The following NEDD4 variants were observed in gnomAD, a reference collection of about 807,000 sequenced individuals.
NEDD4 encodes NEDD4 E3 ubiquitin protein ligase, also known as E3 ubiquitin-protein ligase NEDD4.
NEDD4 carries 99 observed loss-of-function variants against 144.9 expected under a neutral mutation model. That is an observed-to-expected ratio of 0.68 (90% CI 0.58 to 0.81). The LOEUF (loss-of-function observed/expected upper bound fraction) is 0.81. NEDD4 is among the 30% of genes least tolerant of loss of function. NEDD4 has a pLI of 0.00. For missense variants in NEDD4, 985 were observed against 1,065.9 expected (o/e 0.92, Z 1.06); for synonymous variants, 318 against 350.6 (o/e 0.91, Z 1.04).
chr15:55,938,232 G>C (rs895262618), intron 4 of NEDD4, among the ~76,000 whole-genome samples: 11 of 152,098 alleles, frequency 7.2e-5, no homozygotes, highest in Non-Finnish European at 1.5e-4. Context: ...GGTGGCGTGT[G>C]CCTGTAGTCC....
chr15:55,976,682 T>C (rs1011375032), intron 1 of NEDD4, among the ~76,000 whole-genome samples: 7 of 147,084 alleles, frequency 4.8e-5, no homozygotes, highest in African/African-American at 1.8e-4. Flanking sequence ...CAGGCTGGAG[T>C]GCAGTGGTGC....
Position 55,848,443 on chromosome 15 carries a change from A to T in NEDD4, c.1484-13T>A. ...GTTCTTTTTATATCTGAAGGGAAGA[A>T]AAAGAAAAAAGATGTACTTTCTCAC... On this transcript the variant is annotated splice_polypyrimidine_tract_variant and intron_variant, in intron 16 of 28. Coordinates refer to ENST00000435532, the MANE Select transcript of NEDD4 (RefSeq NM_006154.4). The T allele has an allele frequency of 6.2e-7, 1 of 1,614,048 alleles. No homozygotes were observed. The highest frequency in any genetic ancestry group is 8.5e-7 in the Non-Finnish European group (1 of 1,179,910).
chr15:55,854,596 C>T lies in NEDD4; in HGVS notation c.1026+1535G>A, dbSNP rs140118042. Among the ~76,000 whole-genome samples, 500 of 152,242 alleles carry T rather than the reference C, an allele frequency of 3.3e-3. 1 individual carries two copies. The highest frequency in any genetic ancestry group is 4.5e-3 in the Non-Finnish European group (303 of 68,016). On this transcript the variant is annotated intron_variant, in intron 12 of 28. Coordinates refer to ENST00000435532, the MANE Select transcript of NEDD4 (RefSeq NM_006154.4). ...ACTGTAGCAATAGAGAGCAGATGAGCGGTTGCTTGCAACTGAGAGTAGGCA... is the reference window on the plus strand; with the variant it reads ...ACTGTAGCAATAGAGAGCAGATGAGTGGTTGCTTGCAACTGAGAGTAGGCA...
At chr15:55,910,968 G>C (rs1196317402) in intron 5 of NEDD4, among the ~76,000 whole-genome samples, 2 of 152,094 alleles carry the variant, frequency 1.3e-5, no homozygotes, top group African/African-American at 4.8e-5. Flanking sequence ...CCCCTTCTTT[G>C]TCTTCAGCAT....
intron 1 of NEDD4, among the ~76,000 whole-genome samples, chr15:55,982,573 A>G (rs71476762): frequency 0.062 from 9,393 of 152,296 alleles, 379 homozygotes; most frequent in East Asian, 0.16. Flanking sequence ...GGCTGCCTAT[A>G]GAGAGTAGAC....
At chr15:55,903,461 T>C (rs974969856) in intron 5 of NEDD4, among the ~76,000 whole-genome samples, 2 of 152,148 alleles carry the variant, frequency 1.3e-5, no homozygotes, top group Non-Finnish European at 2.9e-5. Flanking sequence ...TCTCAGACAG[T>C]TTCCTAAAAT....
chr15:55,871,750 G>C (rs1379347845), intron 7 of NEDD4, among the ~76,000 whole-genome samples: 1 of 152,052 alleles, frequency 6.6e-6, no homozygotes, highest in Non-Finnish European at 1.5e-5. Flanking sequence ...TATAGTTTAA[G>C]AAACAAGACA....
chr15:55,871,791 C>T (rs1406579567), intron 7 of NEDD4, among the ~76,000 whole-genome samples: 1 of 152,142 alleles, frequency 6.6e-6, no homozygotes, highest in Non-Finnish European at 1.5e-5. Context: ...TGTCCTTTCT[C>T]TGCTTTAGTT....
At chr15:55,976,627 A>ATTTTT (rs1229977936) in intron 1 of NEDD4, among the ~76,000 whole-genome samples, 1 of 120,898 alleles carries the variant, frequency 8.3e-6, no homozygotes, top group African/African-American at 3.1e-5. Flanking sequence ...CTGGGCAAAA[A>ATTTTT]TTTTTTTTTT....
At chr15:55,832,161 A>C (rs1213765878) in intron 27 of NEDD4, among the ~76,000 whole-genome samples, 1 of 146,192 alleles carries the variant, frequency 6.8e-6, no homozygotes, top group Non-Finnish European at 1.5e-5. Flanking sequence ...TAGCCTAATG[A>C]GATTCTCCAC....
chr15:55,993,071 G>A (rs2038013175), intron 1 of NEDD4, among the ~76,000 whole-genome samples: 1 of 152,208 alleles, frequency 6.6e-6, no homozygotes, highest in Non-Finnish European at 1.5e-5. Context: ...ACCGAAGTCC[G>A]TAAAGTTAAG....
chr15:55,861,232 G>A (rs150689676), intron 9 of NEDD4, among the ~76,000 whole-genome samples: 1 of 152,170 alleles, frequency 6.6e-6, no homozygotes, highest in Non-Finnish European at 1.5e-5. Flanking sequence ...AGTACTCCAT[G>A]CATGAATGTG....
chr15:55,874,811 G>A (rs956969007), intron 5 of NEDD4, among the ~76,000 whole-genome samples: 3 of 151,824 alleles, frequency 2.0e-5, no homozygotes, highest in South Asian at 4.2e-4. Flanking sequence ...TCATCTCTAC[G>A]AAAAATACAA....
chr15:55,983,303 T>TGTGC (rs1555409976), intron 1 of NEDD4, among the ~76,000 whole-genome samples: 78 of 151,398 alleles, frequency 5.2e-4, no homozygotes, highest in African/African-American at 1.8e-3. Flanking sequence ...TGTGTGTGCG[T>TGTGC]GCGCGCGCGT....
At chr15:55,831,294 ATAAGAATTTGACTTTGTATTC>A (rs1308946483) in intron 27 of NEDD4, among the ~76,000 whole-genome samples, 3 of 152,234 alleles carry the variant, frequency 2.0e-5, no homozygotes, top group African/African-American at 7.2e-5. Context: ...CTATAAATAC[ATAAGAATTTGACTTTGTATTC>A]TAAGAATTTG....
At chr15:55,916,070 C>T in intron 5 of NEDD4, 1 of 1,613,890 alleles carries the variant, frequency 6.2e-7, no homozygotes, top group Non-Finnish European at 8.5e-7. Context: ...TTTTTGTGTT[C>T]CTGCTCACTG....
intron 5 of NEDD4, among the ~76,000 whole-genome samples, chr15:55,884,122 C>T (rs1355225744): frequency 1.3e-5 from 2 of 152,116 alleles, no homozygotes; most frequent in African/African-American, 4.8e-5. Flanking sequence ...TCAAGTGATC[C>T]ACCCACCTTG....
intron 1 of NEDD4, among the ~76,000 whole-genome samples, chr15:55,974,595 G>A (rs2037667729): frequency 6.6e-6 from 1 of 152,018 alleles, no homozygotes. Flanking sequence ...TTCATATCAG[G>A]GATGAAAGGA....
chr15:55,990,247 GGA>G (rs777786758), intron 1 of NEDD4, among the ~76,000 whole-genome samples: 5 of 151,996 alleles, frequency 3.3e-5, no homozygotes, highest in Non-Finnish European at 5.9e-5. Context: ...TGAAACCACT[GGA>G]CCGCATCCCC....
Sources: gnomAD v4.1 joint callset for allele counts (sites outside exome capture counted in the v4.1 genomes callset) on GRCh38, gnomAD v4.1.1 for gene constraint, MANE v1.5 for transcripts, NCBI Gene and HGNC (gene_info 2026-07-23, HGNC 2026-07-21) for gene names.